Variants in SVEP1 observed in about 807,000 individuals in gnomAD.
SVEP1 encodes the protein sushi, von Willebrand factor type A, EGF and pentraxin domain containing 1.
In SVEP1, 164 loss-of-function variants were observed where a neutral mutation model predicts 367.3. That is an observed-to-expected ratio of 0.45 (90% CI 0.39 to 0.51). The LOEUF is 0.51. SVEP1 is among the 20% of genes least tolerant of loss of function. The pLI, the probability that SVEP1 is intolerant of heterozygous loss-of-function variation, is 0.00. For synonymous variants in SVEP1, 1,666 were observed against 1,611.6 expected, an observed-to-expected ratio of 1.03 and a Z score of -0.81; for missense variants, 4,117 against 4,425.3, an observed-to-expected ratio of 0.93 and a Z score of 1.98.
chr9:110,532,895 T>A (rs1299633422), intron 3 of SVEP1, among the ~76,000 whole-genome samples: 2 of 152,058 alleles, frequency 1.3e-5, no homozygotes, highest in East Asian at 3.9e-4. Context: ...AGAGCAACAA[T>A]CCCCAACATT....
At chr9:110,370,457 A>G (rs1350598804) in intron 46 of SVEP1, among the ~76,000 whole-genome samples, 2 of 152,170 alleles carry the variant, frequency 1.3e-5, no homozygotes, top group Admixed American at 6.6e-5. Context: ...ATTGAACTCT[A>G]TGATTGATTG....
rs750431021 is a variant in SVEP1 at position 110,408,109 on chromosome 9, C to T, written c.7491G>A (p.Glu2497=). The change falls in exon 38 of 48, where the codon GAG becomes GAA. Residue 2497 remains glutamate (E), a synonymous_variant. Coordinates refer to ENST00000374469, the MANE Select transcript of SVEP1 (RefSeq NM_153366.4). The part of the protein sequence containing the change: ...LGGKPTCKAI[E]CLKPKEILNG... ...TCAAAATCTCCTTGGGTTTCAGGCA[C>T]TCAATGGCTTTACATGTTGGTTTTC... is the stretch of plus-strand genomic sequence containing the variant. 3 of 1,613,890 alleles carry T rather than the reference C, an allele frequency of 1.9e-6. No individual in the cohort carries two copies. Among genetic ancestry groups the T allele is most frequent in the Admixed American group, 1.7e-5 (1 of 59,988 alleles).
chr9:110,528,156 G>GTGTGTATATATA, intron 3 of SVEP1, among the ~76,000 whole-genome samples: 728 of 33,912 alleles, frequency 0.021, 28 homozygotes, highest in Middle Eastern at 0.038. Context: ...GTGTGTGTGT[G>GTGTGTATATATA]TATATATATA....
At chr9:110,414,422 C>T (rs1828087552) in intron 36 of SVEP1, among the ~76,000 whole-genome samples, 1 of 151,930 alleles carries the variant, frequency 6.6e-6, no homozygotes, top group African/African-American at 2.4e-5. Flanking sequence ...CTCAGACATT[C>T]CCAATAGTTG....
intron 8 of SVEP1, among the ~76,000 whole-genome samples, chr9:110,496,482 A>G (rs1418008990): frequency 6.6e-6 from 1 of 152,176 alleles, no homozygotes; most frequent in Non-Finnish European, 1.5e-5. Flanking sequence ...TTTTGTACTT[A>G]TATCAGTGGT....
intron 3 of SVEP1, among the ~76,000 whole-genome samples, chr9:110,522,211 T>C (rs1829884014): frequency 6.6e-6 from 1 of 152,166 alleles, no homozygotes; most frequent in African/African-American, 2.4e-5. Flanking sequence ...CTAGATTAGA[T>C]CCATCCCTGG....
intron 17 of SVEP1, among the ~76,000 whole-genome samples, chr9:110,466,804 G>A (rs1043159556): frequency 5.4e-5 from 8 of 149,332 alleles, no homozygotes; most frequent in Non-Finnish European, 1.0e-4. Flanking sequence ...AATAAGAACC[G>A]GCTCTGCTAC....
At position 110,514,070 on chromosome 9, in the gene SVEP1, G is replaced by A. The variant is rs868318524; in HGVS notation, c.1001C>T (p.Pro334Leu). ...TGGAATGCAACTGCTGATTCCTCCT[G>A]GTGAGCCTTCAGGTTTGTATGTCCC... ...PSGTYKPEGS[P>L]GGISSCIPCP... Residue 334 changes from proline to leucine, a missense_variant, in exon 4 of 48, where the codon CCA (proline) becomes CTA (leucine). Physicochemically the swap from Pro to Leu is moderately conservative, Grantham distance 98. Around this residue, in one of 4 missense-constraint regions of SVEP1, gnomAD observed 2,174 missense variants for 2,494.3 expected, o/e 0.87. Transcript: ENST00000374469. 1 of 1,611,076 alleles carries A rather than the reference G, an allele frequency of 6.2e-7. No homozygotes were observed. The highest frequency in any genetic ancestry group is 1.3e-5 in the African/African-American group (1 of 75,022).
chr9:110,551,080 A>G (rs1830280009), intron 1 of SVEP1, among the ~76,000 whole-genome samples: 1 of 152,246 alleles, frequency 6.6e-6, no homozygotes, highest in African/African-American at 2.4e-5. Flanking sequence ...TTTAAAAAAG[A>G]ACTTCATGTT....
chr9:110,498,983 C>A, intron 7 of SVEP1, 58 bp downstream of exon 7: 1 of 1,487,488 alleles, frequency 6.7e-7, no homozygotes, highest in African/African-American at 1.4e-5. Flanking sequence ...TCCTATACTG[C>A]ACCCATATGG....
chr9:110,484,084 A>G lies in SVEP1; in HGVS notation c.1931-391T>C, dbSNP rs140893350. Among the ~76,000 whole-genome samples the G allele has an allele frequency of 7.2e-5, 11 of 152,286 alleles. No homozygotes were observed. The East Asian group carries it at 2.1e-3, about 29-fold the overall frequency. On this transcript the variant is annotated intron_variant, in intron 9 of 47. Transcript: ENST00000374469. ...TGAAATGACCACATCTGTCATTCCC[A>G]TGATGTTCCTCTTATCTGAAGAGTC...
At chr9:110,559,291 G>A (rs1360729253) in intron 1 of SVEP1, among the ~76,000 whole-genome samples, 11 of 151,548 alleles carry the variant, frequency 7.3e-5, no homozygotes, top group Admixed American at 6.6e-5. Context: ...ACAACAAACT[G>A]GAAAATATAT....
At chr9:110,432,179 T>C (rs1828360246) in intron 31 of SVEP1, 145 bp from the exon 32 acceptor site, 1 of 1,056,858 alleles carries the variant, frequency 9.5e-7, no homozygotes, top group African/African-American at 1.6e-5. Context: ...ACAGTCATAA[T>C]CACATTGCAG....
rs369044716 is a variant in SVEP1, at chr9:110,540,591, C to A, written c.964+5524G>T. ...GTAATGTAACATCAAGAGAAAAGAA[C>A]AAGAACGACAAGACCACTAGCTAAA... On this transcript the variant is annotated intron_variant, in intron 3 of 47. Transcript: ENST00000374469. 8.5e-5 allele frequency among the ~76,000 whole-genome samples: 13 copies of A among 152,188 alleles called. 1 individual carries two copies. Among genetic ancestry groups the A allele is most frequent in the Admixed American group, 3.9e-4 (6 of 15,268 alleles).
intron 40 of SVEP1, among the ~76,000 whole-genome samples, chr9:110,393,309 GACT>G (rs1827696751): frequency 6.6e-6 from 1 of 152,174 alleles, no homozygotes; most frequent in Admixed American, 6.5e-5. Context: ...CCTGGTCCCA[GACT>G]GCATATACCT....
intron 9 of SVEP1, among the ~76,000 whole-genome samples, chr9:110,485,858 T>A (rs910965886): frequency 1.3e-5 from 2 of 152,218 alleles, no homozygotes; most frequent in Non-Finnish European, 2.9e-5. Flanking sequence ...TGAAATTAAC[T>A]GAACTGCACC....
At chr9:110,438,271 C>T (rs1451156137) in intron 27 of SVEP1, among the ~76,000 whole-genome samples, 1 of 144,122 alleles carries the variant, frequency 6.9e-6, no homozygotes, top group African/African-American at 2.5e-5. Context: ...AATGCAACCT[C>T]TACCTCCCAG....
chr9:110,565,861 C>G (rs988080223), intron 1 of SVEP1, among the ~76,000 whole-genome samples: 1 of 152,010 alleles, frequency 6.6e-6, no homozygotes, highest in Non-Finnish European at 1.5e-5. Context: ...GATCTGACAA[C>G]ATGACATAGA....
At chr9:110,430,086 CTTTTTTTGTTTGTTTGTTTTCTTTTT>C (rs1470592934) in intron 33 of SVEP1, 82 bp from the exon 34 acceptor site, 19 of 1,333,370 alleles carry the variant, frequency 1.4e-5, no homozygotes, top group Admixed American at 2.5e-5. Flanking sequence ...AGCTCAAGAT[CTTTTTTTGTTTGTTTGTTTTCTTTTT>C]TTTTTTTTTT....
Sources: allele counts gnomAD v4.1 joint callset (sites outside exome capture counted in the v4.1 genomes callset), GRCh38; gene constraint gnomAD v4.1.1; regional missense constraint gnomAD v4.1.1; transcripts MANE v1.5; gene names NCBI Gene and HGNC (gene_info 2026-07-23, HGNC 2026-07-21).